TRIM31: variants seen among roughly 807,000 people sequenced by gnomAD.
TRIM31 encodes the protein E3 ubiquitin-protein ligase TRIM31.
A neutral mutation model predicts 40.6 loss-of-function variants in TRIM31; 31 were observed. The ratio of observed to expected loss-of-function variants is 0.76; its 90% CI spans 0.57 to 1.03. TRIM31 has a LOEUF of 1.03. Among genes scored for constraint, TRIM31 ranks in the 50% least tolerant of loss-of-function variants. The pLI is 0.00. For missense variants in TRIM31, 455 were observed against 497.5 expected (o/e 0.91, Z 0.81); for synonymous variants, 164 against 193.9 (o/e 0.85, Z 1.28).
chr6:30,111,592 G>A (rs887843009), intron 3 of TRIM31, 56 bp downstream of exon 3: 72 of 1,554,514 alleles, frequency 4.6e-5, no homozygotes, highest in South Asian at 2.5e-4. Context: ...GGGATTCCAG[G>A]AGCTTTGGCA....
chr6:30,106,972 C>T (rs9261408), intron 6 of TRIM31, among the ~76,000 whole-genome samples: 19,311 of 152,046 alleles, frequency 0.13, 1,598 homozygotes, highest in South Asian at 0.34. Context: ...TGGTGGTGTG[C>T]GCCTGTAACA....
rs9468688 is a variant in TRIM31, at chr6:30,105,352, T to C, written c.884-110A>G. The C allele has an allele frequency of 5.2e-3, 4,101 of 782,016 alleles. 105 individuals carry two copies. In the African/African-American group the frequency reaches 0.059, roughly 11 times the overall value. The allele number at this position is 782,016 out of a possible 1,614,324, so 48.4% of individuals were successfully genotyped here. A position where few individuals can be genotyped will look rare whatever the true frequency, so the allele number is the denominator to read the frequency against. The stretch of plus-strand genomic sequence containing the variant: ...TGAAATGCCTGGGAGAAGTAGAAGC[T>C]GCATTTGACTCTCATATTCTTATTG... On this transcript the variant is annotated intron_variant, in intron 6 of 8. Coordinates refer to ENST00000376734, the MANE Select transcript of TRIM31 (RefSeq NM_007028.5).
intron 3 of TRIM31, 113 bp from the exon 4 acceptor site, chr6:30,110,791 T>A: frequency 9.9e-7 from 1 of 1,011,004 alleles, no homozygotes; most frequent in Non-Finnish European, 1.5e-6. Context: ...ACCAGAGCAA[T>A]GTGCCAGGGC....
rs760561002 is a variant in TRIM31, at chr6:30,112,611, G to A, written c.195C>T (p.Ile65=). The A allele has an allele frequency of 1.2e-6, 2 of 1,613,134 alleles. No individual in the cohort carries two copies. The highest frequency in any genetic ancestry group is 4.5e-5 in the East Asian group (2 of 44,890). The change falls in exon 2 of 9, where the codon ATC becomes ATT. Residue 65 remains isoleucine, a synonymous_variant. Coordinates refer to ENST00000376734, the MANE Select transcript of TRIM31 (RefSeq NM_007028.5). The part of the protein sequence containing the change: ...LCKTSVRKNA[I]RFNSLLRNLV... ...GATTCCGCAACAGCGAGTTGAACCT[G>A]ATTGCGTTCTTCCTTACGGAAGTTT...
At chr6:30,107,229 A>C (rs994720947) in intron 6 of TRIM31, among the ~76,000 whole-genome samples, 1 of 152,234 alleles carries the variant, frequency 6.6e-6, no homozygotes, top group Non-Finnish European at 1.5e-5. Context: ...AACAAAATTA[A>C]GAATAAAACA....
At chr6:30,105,886 T>G (rs1211126701) in intron 6 of TRIM31, among the ~76,000 whole-genome samples, 1 of 152,088 alleles carries the variant, frequency 6.6e-6, no homozygotes, top group Non-Finnish European at 1.5e-5. Context: ...AGGAGCCAGG[T>G]GGGGTAAGGG....
At position 30,113,072 on chromosome 6, in the gene TRIM31, C is replaced by T. The variant is rs1769530928; in HGVS notation, c.-92G>A. 1 of 458,524 alleles carries T rather than the reference C, an allele frequency of 2.2e-6. No individual in the cohort carries two copies. The highest frequency in any genetic ancestry group is 3.8e-6 in the Non-Finnish European group (1 of 263,672). 28.4% of individuals were successfully genotyped at this position (458,524 alleles called of 1,614,324 possible). A position where few individuals can be genotyped will look rare whatever the true frequency, so the allele number is the denominator to read the frequency against. ...CAGATGGGCAGTCCTACCTTGCTAC[C>T]TCTTGAGAACAAATGGATACTTTGA... On this transcript the variant is annotated 5_prime_UTR_variant, in exon 1 of 9. Coordinates refer to ENST00000376734, the MANE Select transcript of TRIM31 (RefSeq NM_007028.5).
Position 30,110,534 on chromosome 6 carries a change from A to G in TRIM31, c.658T>C (p.Ser220Pro), listed in dbSNP as rs535625855. Residue 220 changes from serine to proline, a missense_variant, in exon 4 of 9, where the codon TCC becomes CCC. Transcript: ENST00000376734. ...GTEAGKHYVASTEPQLNDLKK... is the reference protein window; with the variant it reads ...GTEAGKHYVAPTEPQLNDLKK... ...AGATCGTTCAACTGTGGCTCAGTGG[A>G]GGCAACATAGTGTTTCCCCGCTTCC... The G allele has an allele frequency of 1.1e-5, 18 of 1,614,164 alleles. 2 individuals are homozygous for G. In the South Asian group the frequency reaches 1.6e-4, roughly 15 times the overall value.
At chr6:30,104,006 T>G in intron 8 of TRIM31, 96 bp downstream of exon 8, 4 of 1,396,662 alleles carry the variant, frequency 2.9e-6, no homozygotes, top group Non-Finnish European at 4.0e-6. Context: ...TTCATTCATT[T>G]ATTCATTTAT....
rs1242295108 is a variant in TRIM31 at position 30,108,926 on chromosome 6, G to A, written c.767+100C>T. The A allele has an allele frequency of 9.4e-6, 12 of 1,273,208 alleles. 1 individual carries two copies. The South Asian group carries it at 1.4e-4, about 15-fold the overall frequency. The allele number at this position is 1,273,208 out of a possible 1,614,324, so 78.9% of individuals were successfully genotyped here. On this transcript the variant is annotated intron_variant, in intron 5 of 8. Transcript: ENST00000376734. ...TGAATGCAGAGTTAGAGGTGGGTGG[G>A]TATTTCTGAGAGAGGAATGTTGACT...
rs1172631823 is a variant in TRIM31, at chr6:30,112,763, T to C, written c.43A>G (p.Ile15Val). 82 of 1,612,512 alleles carry C rather than the reference T, an allele frequency of 5.1e-5. No individual in the cohort carries two copies. Among genetic ancestry groups the C allele is most frequent in the Non-Finnish European group, 6.8e-5 (80 of 1,179,828 alleles). The change falls in exon 2 of 9, where the codon ATC (isoleucine) becomes GTC (valine). Residue 15 changes from isoleucine (I) to valine (V), a missense_variant. Ile to Val is a conservative substitution (Grantham distance 29). Coordinates refer to ENST00000376734, the MANE Select transcript of TRIM31 (RefSeq NM_007028.5). ...AGAATGTCCAGGCAGATGGGGCAGA[T>C]CACTTCCTCTTGCAGTTTGTTCACA... ...QFVNKLQEEV[I>V]CPICLDILQK...
intron 8 of TRIM31, 82 bp from the exon 9 acceptor site, chr6:30,103,871 G>C (rs958606870): frequency 6.3e-7 from 1 of 1,587,038 alleles, no homozygotes; most frequent in African/African-American, 1.3e-5. Context: ...GCACAGCTGA[G>C]CTCTACATAC....
chr6:30,108,277 A>C, intron 5 of TRIM31, 109 bp from the exon 6 acceptor site: 1 of 785,578 alleles, frequency 1.3e-6, no homozygotes, highest in Non-Finnish European at 2.2e-6. Flanking sequence ...CTGGGGGTAG[A>C]ACTGAGAGCA....
chr6:30,108,725 T>G, intron 5 of TRIM31: 2 of 536,802 alleles, frequency 3.7e-6, no homozygotes, highest in South Asian at 4.6e-5. Flanking sequence ...AAAAACAGGG[T>G]CAGGGAGACA....
rs1482963503 is a variant in TRIM31 at position 30,111,491 on chromosome 6, G to C, written c.513+157C>G. On this transcript the variant is annotated intron_variant, in intron 3 of 8. Transcript: ENST00000376734. ...CCCGCTGTAATAGCGAGGCCGACGC[G>C]GGAGGTGATGCCGCCTGGCCGGTCA... is the stretch of plus-strand genomic sequence containing the variant. 5.9e-6 allele frequency: 4 copies of C among 682,528 alleles called. No individual in the cohort carries two copies. In the South Asian group the frequency reaches 7.5e-5, roughly 13 times the overall value. 42.3% of individuals were successfully genotyped at this position (682,528 alleles called of 1,614,324 possible).
intron 7 of TRIM31, among the ~76,000 whole-genome samples, chr6:30,104,909 T>C (rs1768528941): frequency 6.6e-6 from 1 of 152,226 alleles, no homozygotes; most frequent in African/African-American, 2.4e-5. Context: ...TCCCACTTTT[T>C]CCTCCCTGTC....
chr6:30,112,506 C>T lies in TRIM31; in HGVS notation c.300G>A (p.Glu100=). Residue 100 remains glutamate, a synonymous_variant, in exon 2 of 9, where the codon GAG becomes GAA. Coordinates refer to ENST00000376734, the MANE Select transcript of TRIM31 (RefSeq NM_007028.5). ...CATCCTCGCAGAAATAGTGGAACAT[C>T]TCCTGGTGCCTCGGGCATGTAGCCT... ...RKEATCPRHQ[E]MFHYFCEDDG... 6.2e-7 allele frequency: 1 copy of T among 1,613,148 alleles called. No homozygotes were observed. Among genetic ancestry groups the T allele is most frequent in the East Asian group, 2.2e-5 (1 of 44,896 alleles).
intron 2 of TRIM31, 95 bp from the exon 3 acceptor site, chr6:30,111,838 A>AGGT: frequency 8.9e-7 from 1 of 1,127,502 alleles, no homozygotes; most frequent in Non-Finnish European, 1.3e-6. Context: ...GACACTCTCC[A>AGGT]GGTGAGTCCT....
At chr6:30,109,145 G>C (rs1769044869) in intron 4 of TRIM31, 97 bp from the exon 5 acceptor site, 2 of 1,283,268 alleles carry the variant, frequency 1.6e-6, no homozygotes, top group African/African-American at 1.5e-5. Flanking sequence ...GGCAGAGCAG[G>C]AGGAGTAAGA....
Sources: allele counts gnomAD v4.1 joint callset (sites outside exome capture counted in the v4.1 genomes callset), GRCh38; gene constraint gnomAD v4.1.1; transcripts MANE v1.5; gene names NCBI Gene and HGNC (gene_info 2026-07-23, HGNC 2026-07-21).